The following SUPT20H variants were observed in gnomAD, a reference collection of about 807,000 sequenced individuals.
The protein encoded by SUPT20H is transcription factor SPT20 homolog.
A neutral mutation model predicts 122.8 loss-of-function variants in SUPT20H; 82 were observed. That is an observed-to-expected ratio of 0.67 (90% CI 0.56 to 0.80). The LOEUF is 0.80. SUPT20H is among the 30% of genes least tolerant of loss of function. SUPT20H has a pLI of 0.00. For missense variants in SUPT20H, 831 were observed against 921.6 expected (o/e 0.90, Z 1.27); for synonymous variants, 291 against 313.0 (o/e 0.93, Z 0.74).
At position 37,021,537 on chromosome 13, in the gene SUPT20H, G is replaced by C. The variant is rs142518257; in HGVS notation, c.1727C>G (p.Pro576Arg). Residue 576 changes from proline (P) to arginine (R), a missense_variant, in exon 21 of 26, where the codon CCT becomes CGT. Coordinates refer to ENST00000350612, the MANE Select transcript of SUPT20H (RefSeq NM_001014286.3). ...MLGCNTGAIT[P>R]AGINLSGLLP... ...AAGGCCGCTCAGGTTTATTCCTGCA[G>C]GAGTTATGGCACCAGTGTTACAGCC... 121 of 1,613,698 alleles carry C rather than the reference G, an allele frequency of 7.5e-5. No individual in the cohort carries two copies. In the African/African-American group the frequency reaches 1.5e-3, roughly 20 times the overall value.
chr13:37,048,020 A>ATTTTATGTTTT, intron 3 of SUPT20H, 84 bp from the exon 4 acceptor site: 1 of 872,828 alleles, frequency 1.1e-6, no homozygotes, highest in South Asian at 2.4e-5. Flanking sequence ...AAACATACGT[A>ATTTTATGTTTT]AGGCTAAAAA....
At chr13:37,055,990 T>C (rs1198582746) in intron 1 of SUPT20H, among the ~76,000 whole-genome samples, 1 of 152,154 alleles carries the variant, frequency 6.6e-6, no homozygotes, top group Non-Finnish European at 1.5e-5. Context: ...AAGAAGACAT[T>C]TATACAGCCA....
At chr13:37,039,693 CTTTT>C (rs2138560142) in intron 9 of SUPT20H, 1 of 151,896 alleles carries the variant, frequency 6.6e-6, no homozygotes, top group African/African-American at 2.4e-5. Flanking sequence ...CTTCTGACTT[CTTTT>C]TGTTTCCTAA....
At chr13:37,010,265 G>C (rs189254757) in intron 25 of SUPT20H, among the ~76,000 whole-genome samples, 2 of 152,096 alleles carry the variant, frequency 1.3e-5, no homozygotes, top group Non-Finnish European at 2.9e-5. Flanking sequence ...GTTAACAATT[G>C]GCACTTACAA....
Position 37,010,671 on chromosome 13 carries a change from G to T in SUPT20H, c.2099-16C>A. The T allele has an allele frequency of 6.2e-7, 1 of 1,604,722 alleles. No homozygotes were observed. Among genetic ancestry groups the T allele is most frequent in the Non-Finnish European group, 8.5e-7 (1 of 1,172,450 alleles). On this transcript the variant is annotated splice_polypyrimidine_tract_variant and intron_variant, in intron 24 of 25. Transcript: ENST00000350612. The stretch of plus-strand genomic sequence containing the variant: ...TGAGACAACACTACAGAGAGGAGAA[G>T]GGGAAAGCAGGCCAGTCAAAAAGTT...
chr13:37,027,621 T>A (rs2062544535), intron 14 of SUPT20H, among the ~76,000 whole-genome samples: 1 of 152,104 alleles, frequency 6.6e-6, no homozygotes, highest in Non-Finnish European at 1.5e-5. Context: ...AAAAACCAAA[T>A]AAATAGTAAA....
intron 2 of SUPT20H, among the ~76,000 whole-genome samples, chr13:37,050,623 T>C (rs1346809712): frequency 6.6e-6 from 1 of 152,190 alleles, no homozygotes; most frequent in Non-Finnish European, 1.5e-5. Flanking sequence ...ATATTTCATC[T>C]TCTGAAATTA....
chr13:37,056,449 G>C (rs1228480875), intron 1 of SUPT20H, among the ~76,000 whole-genome samples: 2 of 152,166 alleles, frequency 1.3e-5, no homozygotes, highest in Non-Finnish European at 2.9e-5. Context: ...AAAATGATGA[G>C]TTCATGTCCT....
Position 37,021,994 on chromosome 13 carries a change from C to A in SUPT20H, c.1661+17G>T. 2 of 1,535,942 alleles carry A rather than the reference C, an allele frequency of 1.3e-6. No individual in the cohort carries two copies. Among genetic ancestry groups the A allele is most frequent in the South Asian group, 2.5e-5 (2 of 79,652 alleles). ...TATCTTTATAAAAAAAAAATCCGAA[C>A]ATCAATGCAAACTTACCAAACAGAG... On this transcript the variant is annotated intron_variant, in intron 20 of 25. Transcript: ENST00000350612.
Position 37,022,539 on chromosome 13 carries a change from T to C in SUPT20H, c.1592-459A>G, listed in dbSNP as rs991262628. The C allele has an allele frequency of 5.7e-6, 7 of 1,220,962 alleles. No homozygotes were observed. The African/African-American group carries it at 1.1e-4, about 19-fold the overall frequency. 75.6% of individuals were successfully genotyped at this position (1,220,962 alleles called of 1,614,324 possible). ...CACCTAAAAATCCCATTAAAGATGC[T>C]ATTGCAGTAACAGTAAAAATATACA... On this transcript the variant is annotated intron_variant, in intron 19 of 25. Transcript: ENST00000350612. This position sits in a 1 kb window ranked among gnomAD's most constrained non-coding sequence, Gnocchi z 4.5.
At chr13:37,011,484 G>T (rs947408854) in intron 24 of SUPT20H, among the ~76,000 whole-genome samples, 2 of 152,152 alleles carry the variant, frequency 1.3e-5, no homozygotes, top group African/African-American at 4.8e-5. Flanking sequence ...AGCCCACAGT[G>T]ATAAGATGCT....
rs766261174 is a variant in SUPT20H, at chr13:37,025,292, A to C, written c.1329+28T>G. The C allele has an allele frequency of 2.0e-6, 3 of 1,517,134 alleles. No homozygotes were observed. In the South Asian group the frequency reaches 3.4e-5, roughly 17 times the overall value. 94.0% of individuals were successfully genotyped at this position (1,517,134 alleles called of 1,614,324 possible). A position where few individuals can be genotyped will look rare whatever the true frequency, so the allele number is the denominator to read the frequency against. On this transcript the variant is annotated intron_variant, in intron 17 of 25. Coordinates refer to ENST00000350612, the MANE Select transcript of SUPT20H (RefSeq NM_001014286.3). ...CAGATTACTTGTGAAACAACTGGGCACAAAGAAGTAACATTAATGAAACAC... is the reference window on the plus strand; with the variant it reads ...CAGATTACTTGTGAAACAACTGGGCCCAAAGAAGTAACATTAATGAAACAC...
chr13:37,028,303 A>T lies in SUPT20H; in HGVS notation c.996T>A (p.Asp332Glu), dbSNP rs201318481. The change falls in exon 14 of 26, where the codon GAT becomes GAA. Residue 332 changes from aspartate (D) to glutamate (E), a missense_variant and splice_region_variant. By Grantham distance (45) the Asp-to-Glu change is conservative. Coordinates refer to ENST00000350612, the MANE Select transcript of SUPT20H (RefSeq NM_001014286.3). Reference protein sequence around the residue: ...DSQPTVWPAHDVKDDYVFECE... With the variant: ...DSQPTVWPAHEVKDDYVFECE... ...ATTCAAATACATAATCATCTTTTAC[A>T]TCCTGAAAAATGCATAGCACCTCAA... 235 of 1,604,540 alleles carry T rather than the reference A, an allele frequency of 1.5e-4. 1 individual carries two copies. The highest frequency in any genetic ancestry group is 2.0e-5 in the Non-Finnish European group (23 of 1,177,092).
At chr13:37,021,392 T>G in intron 21 of SUPT20H, 56 bp downstream of exon 21, 2 of 1,472,564 alleles carry the variant, frequency 1.4e-6, no homozygotes, top group South Asian at 2.8e-5. Context: ...AATTACATTT[T>G]TACTTTAGCA....
rs1349578220 is a variant in SUPT20H, at chr13:37,022,561, T to C, written c.1592-481A>G. On this transcript the variant is annotated intron_variant, in intron 19 of 25. Coordinates refer to ENST00000350612, the MANE Select transcript of SUPT20H (RefSeq NM_001014286.3). The surrounding 1 kb of genome is among the most constrained non-coding windows in gnomAD (Gnocchi z 4.5). Reference sequence around the variant, plus strand: ...TGCTATTGCAGTAACAGTAAAAATATACAGTTATATTCTACCACAATACCC... The same window carrying C: ...TGCTATTGCAGTAACAGTAAAAATACACAGTTATATTCTACCACAATACCC... The C allele has an allele frequency of 3.4e-6, 4 of 1,193,456 alleles. No homozygotes were observed. The highest frequency in any genetic ancestry group is 4.2e-5 in the Admixed American group (1 of 23,704). The allele number at this position is 1,193,456 out of a possible 1,614,324, so 73.9% of individuals were successfully genotyped here.
At position 37,037,246 on chromosome 13, in the gene SUPT20H, AGTAG is replaced by A. The variant is rs2064645624; in HGVS notation, c.567+3155_567+3158del. 2.6e-5 allele frequency among the ~76,000 whole-genome samples: 4 copies of A among 151,420 alleles called. No homozygotes were observed. In the East Asian group the frequency reaches 7.8e-4, roughly 29 times the overall value. ...GGCTTCCCAGCCAACAGTAGGTATTAGTAGTTAAGTATTAGAGGAGTCAGAAGTT... is the reference window on the plus strand; with the variant it reads ...GGCTTCCCAGCCAACAGTAGGTATTATTAAGTATTAGAGGAGTCAGAAGTT... On this transcript the variant is annotated intron_variant, in intron 9 of 25. Coordinates refer to ENST00000350612, the MANE Select transcript of SUPT20H (RefSeq NM_001014286.3).
At chr13:37,054,625 T>G (rs1318370337) in intron 1 of SUPT20H, among the ~76,000 whole-genome samples, 1 of 152,132 alleles carries the variant, frequency 6.6e-6, no homozygotes, top group Non-Finnish European at 1.5e-5. Context: ...CTCAAAATAA[T>G]AAGAGCTATT....
At chr13:37,027,081 T>G (rs1001882715) in intron 14 of SUPT20H, among the ~76,000 whole-genome samples, 3 of 152,064 alleles carry the variant, frequency 2.0e-5, no homozygotes, top group Non-Finnish European at 2.9e-5. Context: ...AAATGGCCAA[T>G]GTATGTTGTC....
Position 37,044,124 on chromosome 13 carries a change from G to A in SUPT20H, c.350C>T (p.Ala117Val), listed in dbSNP as rs1438178667. Residue 117 changes from alanine (A) to valine (V), a missense_variant, in exon 7 of 26, where the codon GCA becomes GTA. Coordinates refer to ENST00000350612, the MANE Select transcript of SUPT20H (RefSeq NM_001014286.3). ...AACCAAAATAGGAGGTAATTCTTCT[G>A]CATCCAAATATTCAAGCAACTCTCC... The part of the protein sequence containing the change: ...EEGELLEYLD[A>V]EELPPILVDL... The A allele has an allele frequency of 6.2e-7, 1 of 1,612,828 alleles. No individual in the cohort carries two copies. Among genetic ancestry groups the A allele is most frequent in the Non-Finnish European group, 8.5e-7 (1 of 1,179,532 alleles).
Sources: gnomAD v4.1 joint callset for allele counts (sites outside exome capture counted in the v4.1 genomes callset) on GRCh38, gnomAD v4.1.1 for gene constraint, Gnocchi (gnomAD v3.1) non-coding constraint, MANE v1.5 for transcripts, NCBI Gene and HGNC (gene_info 2026-07-23, HGNC 2026-07-21) for gene names.